The following NYAP1 variants were observed in gnomAD, a reference collection of about 807,000 sequenced individuals.
NYAP1 encodes the protein neuronal tyrosine phosphorylated phosphoinositide-3-kinase adaptor 1, also known as neuronal tyrosine-phosphorylated phosphoinositide-3-kinase adapter 1.
NYAP1 carries 20 observed loss-of-function variants against 58.6 expected under a neutral mutation model. That is an observed-to-expected ratio of 0.34 (90% CI 0.24 to 0.50). NYAP1 has a LOEUF of 0.50. NYAP1 is among the 20% of genes least tolerant of loss of function. NYAP1 has a pLI of 0.98. For missense variants in NYAP1, 1,150 were observed against 1,194.5 expected (o/e 0.96, Z 0.55); for synonymous variants, 572 against 523.1 (o/e 1.09, Z -1.27).
chr7:100,487,324 G>A lies in NYAP1; in HGVS notation c.430+142G>A. 1 of 943,976 alleles carries A rather than the reference G, an allele frequency of 1.1e-6. No homozygotes were observed. The highest frequency in any genetic ancestry group is 1.5e-6 in the Non-Finnish European group (1 of 678,518). 58.5% of individuals were successfully genotyped at this position (943,976 alleles called of 1,614,324 possible). ...TCCATTCTCAAAAGGAATTGGGGGG[G>A]TCCTTTTGGATGGGCCTGAGATGAA... On this transcript the variant is annotated intron_variant, in intron 3 of 6. Coordinates refer to ENST00000300179, the MANE Select transcript of NYAP1 (RefSeq NM_173564.4). The surrounding 1 kb of genome is among the most constrained non-coding windows in gnomAD (Gnocchi z 4.1).
chr7:100,489,177 C>T lies in NYAP1; in HGVS notation c.1456C>T (p.Pro486Ser). Residue 486 changes from proline to serine, a missense_variant, in exon 4 of 7, where the codon CCA becomes TCA. Physicochemically the swap from Pro to Ser is moderately conservative, Grantham distance 74. Coordinates refer to ENST00000300179, the MANE Select transcript of NYAP1 (RefSeq NM_173564.4). ...TGGTCCACCCCTGGGTGCTGGGGAG[C>T]CAAAGACGGAGAAGGAGATCTCGGT... is the stretch of plus-strand genomic sequence containing the variant. Reference protein sequence around the residue: ...PAGPPLGAGEPKTEKEISVLH... With the variant: ...PAGPPLGAGESKTEKEISVLH... The T allele has an allele frequency of 1.2e-6, 2 of 1,611,056 alleles. No homozygotes were observed. Among genetic ancestry groups the T allele is most frequent in the Non-Finnish European group, 1.7e-6 (2 of 1,179,188 alleles).
At chr7:100,484,337 G>GC (rs1799676784) in intron 1 of NYAP1, among the ~76,000 whole-genome samples, 1 of 152,098 alleles carries the variant, frequency 6.6e-6, no homozygotes, top group Non-Finnish European at 1.5e-5. Context: ...CCAGACTGGA[G>GC]CCCCCCGGGT....
chr7:100,493,161 C>G (rs1324742304), intron 6 of NYAP1, among the ~76,000 whole-genome samples: 1 of 152,042 alleles, frequency 6.6e-6, no homozygotes, highest in Non-Finnish European at 1.5e-5. Flanking sequence ...GGCAACAAAG[C>G]AAGATCCCAT....
In NYAP1 at chr7:100,489,279, G is replaced by A. The variant is rs151021245; in HGVS notation, c.1558G>A (p.Ala520Thr). The change falls in exon 4 of 7, where the codon GCA (alanine) becomes ACA (threonine). Residue 520 changes from alanine (A) to threonine (T), a missense_variant. Transcript: ENST00000300179. ...KTSPHGGAMG[A>T]AAGVLHHRGC... The stretch of plus-strand genomic sequence containing the variant: ...CAGCCCCCACGGTGGGGCCATGGGC[G>A]CAGCAGCTGGGGTCCTCCACCACCG... 21 of 1,598,594 alleles carry A rather than the reference G, an allele frequency of 1.3e-5. No homozygotes were observed. The highest frequency in any genetic ancestry group is 2.7e-5 in the African/African-American group (2 of 74,590).
At position 100,490,757 on chromosome 7, in the gene NYAP1, C is replaced by T. The variant is rs1408636956; in HGVS notation, c.2158+28C>T. On this transcript the variant is annotated intron_variant, in intron 5 of 6. Transcript: ENST00000300179. The surrounding 1 kb of genome is among the most constrained non-coding windows in gnomAD (Gnocchi z 4.6). ...GACGCGGCCTGCACACACCTGTGCA[C>T]AGCGGGGCTGGCTGGGGGATCTCCC... 26 of 1,462,624 alleles carry T rather than the reference C, an allele frequency of 1.8e-5. No homozygotes were observed. In the South Asian group the frequency reaches 3.4e-4, roughly 19 times the overall value. The allele number at this position is 1,462,624 out of a possible 1,614,324, so 90.6% of individuals were successfully genotyped here. A position where few individuals can be genotyped will look rare whatever the true frequency, so the allele number is the denominator to read the frequency against.
rs1017706839 is a variant in NYAP1 at position 100,491,299 on chromosome 7, C to CT, written c.2268+212dup. ...TAGTGAGACCCTGTCTCTATTTTTT[C>CT]TTTTTTTTAAAAGAAGGCTAGTTGC... On this transcript the variant is annotated intron_variant, in intron 6 of 6. Transcript: ENST00000300179. Among the ~76,000 whole-genome samples, 49 of 151,742 alleles carry CT rather than the reference C, an allele frequency of 3.2e-4. No individual in the cohort carries two copies. In the South Asian group the frequency reaches 9.0e-3, roughly 28 times the overall value.
At chr7:100,492,951 A>G (rs928168744) in intron 6 of NYAP1, among the ~76,000 whole-genome samples, 1 of 151,948 alleles carries the variant, frequency 6.6e-6, no homozygotes, top group Non-Finnish European at 1.5e-5. Context: ...AGAGAAGGAG[A>G]GAAAGAGAGA....
At chr7:100,491,432 AT>A (rs1799794457) in intron 6 of NYAP1, among the ~76,000 whole-genome samples, 1 of 152,146 alleles carries the variant, frequency 6.6e-6, no homozygotes, top group Non-Finnish European at 1.5e-5. Flanking sequence ...TCCCATCTCT[AT>A]AAAAAATGCA....
chr7:100,485,522 C>G lies in NYAP1; in HGVS notation c.68+143C>G. The G allele has an allele frequency of 1.5e-6, 1 of 668,560 alleles. No individual in the cohort carries two copies. Among genetic ancestry groups the G allele is most frequent in the South Asian group, 1.8e-5 (1 of 54,654 alleles). 41.4% of individuals were successfully genotyped at this position (668,560 alleles called of 1,614,324 possible). A position where few individuals can be genotyped will look rare whatever the true frequency, so the allele number is the denominator to read the frequency against. On this transcript the variant is annotated intron_variant, in intron 2 of 6. Transcript: ENST00000300179. The surrounding 1 kb of genome is among the most constrained non-coding windows in gnomAD (Gnocchi z 5.7). ...AGTCAGTACGGAATGGCCAGGATTGCACACACTGTCCTGGCCCAACTCCTG... is the reference window on the plus strand; with the variant it reads ...AGTCAGTACGGAATGGCCAGGATTGGACACACTGTCCTGGCCCAACTCCTG...
In NYAP1 at chr7:100,493,765, C is replaced by T. The variant is rs1318852973; in HGVS notation, c.2388C>T (p.Arg796=). 1 of 1,605,790 alleles carries T rather than the reference C, an allele frequency of 6.2e-7. No homozygotes were observed. Among genetic ancestry groups the T allele is most frequent in the Admixed American group, 1.7e-5 (1 of 59,676 alleles). Reference sequence around the variant, plus strand: ...GCGTGTGCAAGGAGATCAAGGCGCGCCACCGCCCGGACCGAGGCCTCTGCA... The same window carrying T: ...GCGTGTGCAAGGAGATCAAGGCGCGTCACCGCCCGGACCGAGGCCTCTGCA... ...KRCVCKEIKA[R]HRPDRGLCKQ... Residue 796 remains arginine (R), a synonymous_variant, in exon 7 of 7, where the codon CGC becomes CGT. Coordinates refer to ENST00000300179, the MANE Select transcript of NYAP1 (RefSeq NM_173564.4).
chr7:100,487,235 ATTCCAC>A lies in NYAP1; in HGVS notation c.430+54_430+59del. The A allele has an allele frequency of 6.9e-7, 1 of 1,453,506 alleles. No homozygotes were observed. The highest frequency in any genetic ancestry group is 9.1e-7 in the Non-Finnish European group (1 of 1,102,028). The allele number at this position is 1,453,506 out of a possible 1,614,324, so 90.0% of individuals were successfully genotyped here. A position where few individuals can be genotyped will look rare whatever the true frequency, so the allele number is the denominator to read the frequency against. ...GTGGAGCTGGGAGCTGGGAGGATCT[ATTCCAC>A]GCCCGGGGAGGCTTGCCGGGAGGGT... On this transcript the variant is annotated intron_variant, in intron 3 of 6. Transcript: ENST00000300179. This position sits in a 1 kb window ranked among gnomAD's most constrained non-coding sequence, Gnocchi z 4.1.
At position 100,488,578 on chromosome 7, in the gene NYAP1, C is replaced by A; in HGVS notation, c.857C>A (p.Thr286Lys). 1 of 1,591,604 alleles carries A rather than the reference C, an allele frequency of 6.3e-7. No individual in the cohort carries two copies. The highest frequency in any genetic ancestry group is 1.2e-5 in the South Asian group (1 of 86,400). The stretch of plus-strand genomic sequence containing the variant: ...AATGGCCCTCCACCATTGACGGCAA[C>A]ATCCCCGCCACAACAGCCTCACGCC... The part of the protein sequence containing the change: ...RANGPPPLTA[T>K]SPPQQPHALP... The change falls in exon 4 of 7, where the codon ACA becomes AAA. Residue 286 changes from threonine to lysine, a missense_variant. Thr to Lys is a moderately conservative substitution (Grantham distance 78). Transcript: ENST00000300179. The surrounding 1 kb of genome is among the most constrained non-coding windows in gnomAD (Gnocchi z 5.9).
chr7:100,491,952 C>T (rs560468897), intron 6 of NYAP1, among the ~76,000 whole-genome samples: 34 of 152,252 alleles, frequency 2.2e-4, no homozygotes, highest in African/African-American at 8.2e-4. Context: ...GAGGCAGAGG[C>T]ATAAGAATCG....
In NYAP1 at chr7:100,488,440, G is replaced by A. The variant is rs766370605; in HGVS notation, c.719G>A (p.Gly240Glu). 1 of 1,604,320 alleles carries A rather than the reference G, an allele frequency of 6.2e-7. No homozygotes were observed. The highest frequency in any genetic ancestry group is 8.5e-7 in the Non-Finnish European group (1 of 1,175,944). ...GGAGGCCTGGCTGGGCCCCCTCTTGGGGGTGGGGGCCCGACCCCTCCAGCG... is the reference window on the plus strand; with the variant it reads ...GGAGGCCTGGCTGGGCCCCCTCTTGAGGGTGGGGGCCCGACCCCTCCAGCG... Reference protein sequence around the residue: ...SGGGLAGPPLGGGGPTPPAGA... With the variant: ...SGGGLAGPPLEGGGPTPPAGA... The change falls in exon 4 of 7, where the codon GGG becomes GAG. Residue 240 changes from glycine to glutamate, a missense_variant. By Grantham distance (98) the Gly-to-Glu change is moderately conservative. Coordinates refer to ENST00000300179, the MANE Select transcript of NYAP1 (RefSeq NM_173564.4). The surrounding 1 kb of genome is among the most constrained non-coding windows in gnomAD (Gnocchi z 5.9).
Position 100,485,190 on chromosome 7 carries a change from T to A in NYAP1, c.-84-38T>A. On this transcript the variant is annotated intron_variant, in intron 1 of 6. Coordinates refer to ENST00000300179, the MANE Select transcript of NYAP1 (RefSeq NM_173564.4). The surrounding 1 kb of genome is among the most constrained non-coding windows in gnomAD (Gnocchi z 5.7). ...ATCCCTGGCCCCCACCCATCCCACC[T>A]TTCTTTTTTTTCCGTTCTCACCCAC... is the stretch of plus-strand genomic sequence containing the variant. The A allele has an allele frequency of 5.0e-6, 3 of 594,392 alleles. No individual in the cohort carries two copies. Among genetic ancestry groups the A allele is most frequent in the Non-Finnish European group, 9.2e-6 (3 of 324,948 alleles). 36.8% of individuals were successfully genotyped at this position (594,392 alleles called of 1,614,324 possible).
rs1188549876 is a variant in NYAP1, at chr7:100,486,313, T to C, written c.69-508T>C. Among the ~76,000 whole-genome samples the C allele has an allele frequency of 1.3e-5, 2 of 151,818 alleles. No homozygotes were observed. The highest frequency in any genetic ancestry group is 4.8e-5 in the African/African-American group (2 of 41,292). ...ACCAGGGGAGAGGGAGGAAGAAGGA[T>C]GGGCCAGGGAGGGAGGCTGCTCTGG... On this transcript the variant is annotated intron_variant, in intron 2 of 6. Transcript: ENST00000300179. This position sits in a 1 kb window ranked among gnomAD's most constrained non-coding sequence, Gnocchi z 6.2.
At position 100,493,377 on chromosome 7, in the gene NYAP1, GA is replaced by G. The variant is rs1199581665; in HGVS notation, c.2269-261del. Among the ~76,000 whole-genome samples, 10 of 151,292 alleles carry G rather than the reference GA, an allele frequency of 6.6e-5. No individual in the cohort carries two copies. The South Asian group carries it at 2.1e-3, about 32-fold the overall frequency. On this transcript the variant is annotated intron_variant, in intron 6 of 6. Transcript: ENST00000300179. The stretch of plus-strand genomic sequence containing the variant: ...CCCTGTCTCAAAAAGACAAAAGAAA[GA>G]AAAAAAAGGGGAGATCCCTTCTAGG...
rs1799780377 is a variant in NYAP1, at chr7:100,490,481, C to A, written c.1946-36C>A. On this transcript the variant is annotated intron_variant, in intron 4 of 6. Transcript: ENST00000300179. This position sits in a 1 kb window ranked among gnomAD's most constrained non-coding sequence, Gnocchi z 4.6. Reference sequence around the variant, plus strand: ...CAGAGGGACAGAATGACGCCTCCAACATGCAGGCACACAGCTCTCCTTGTC... The same window carrying A: ...CAGAGGGACAGAATGACGCCTCCAAAATGCAGGCACACAGCTCTCCTTGTC... The A allele has an allele frequency of 1.3e-6, 2 of 1,529,792 alleles. No homozygotes were observed. Among genetic ancestry groups the A allele is most frequent in the East Asian group, 4.8e-5 (2 of 41,596 alleles). The allele number at this position is 1,529,792 out of a possible 1,614,324, so 94.8% of individuals were successfully genotyped here.
In NYAP1 at chr7:100,490,563, A is replaced by G; in HGVS notation, c.1992A>G (p.Pro664=). 2 of 1,588,292 alleles carry G rather than the reference A, an allele frequency of 1.3e-6. No homozygotes were observed. Among genetic ancestry groups the G allele is most frequent in the Non-Finnish European group, 1.7e-6 (2 of 1,167,760 alleles). Residue 664 remains proline, a synonymous_variant, in exon 5 of 7, where the codon CCA becomes CCG. Coordinates refer to ENST00000300179, the MANE Select transcript of NYAP1 (RefSeq NM_173564.4). The surrounding 1 kb of genome is among the most constrained non-coding windows in gnomAD (Gnocchi z 4.6). Reference sequence around the variant, plus strand: ...CCTGGAATGGCAGTGCCGAGGGTCCAGGCAAGGTGGAGCGTGAGGACAGGG... The same window carrying G: ...CCTGGAATGGCAGTGCCGAGGGTCCGGGCAAGGTGGAGCGTGAGGACAGGG... ...ARAWNGSAEG[P]GKVEREDRGP... is the part of the protein sequence containing the mutation.
Sources: allele counts gnomAD v4.1 joint callset (sites outside exome capture counted in the v4.1 genomes callset), GRCh38; gene constraint gnomAD v4.1.1; non-coding constraint Gnocchi (gnomAD v3.1); transcripts MANE v1.5; gene names NCBI Gene and HGNC (gene_info 2026-07-23, HGNC 2026-07-21).